CTNNA2: variants seen among roughly 807,000 people sequenced by gnomAD.
The protein encoded by CTNNA2 is catenin alpha-2.
A neutral mutation model predicts 101.0 loss-of-function variants in CTNNA2; 42 were observed. The observed-to-expected ratio is 0.42, with a 90% CI of 0.32 to 0.54. The LOEUF is 0.54. Ranked by LOEUF, CTNNA2 falls within the 20% of genes least tolerant of loss-of-function variation. The pLI is 0.14. For synonymous variants in CTNNA2, 450 were observed against 456.4 expected, an observed-to-expected ratio of 0.99 and a Z score of 0.18; for missense variants, 871 against 1,223.1, an observed-to-expected ratio of 0.71 and a Z score of 4.29.
At chr2:79,397,725 A>G (rs1035485915) in intron 4 of CTNNA2, among the ~76,000 whole-genome samples, 4 of 151,970 alleles carry the variant, frequency 2.6e-5, no homozygotes, top group Non-Finnish European at 4.4e-5. Flanking sequence ...GTGCAGTGGC[A>G]TGATCATAGC....
chr2:79,636,105 CA>C (rs771737673), intron 1 of CTNNA2, among the ~76,000 whole-genome samples: 23,985 of 131,056 alleles, frequency 0.18, 2,817 homozygotes, highest in East Asian at 0.48. Flanking sequence ...ACTAAAAATA[CA>C]AAAAAAAAAA....
chr2:80,352,342 C>G (rs1355948375), intron 7 of CTNNA2, among the ~76,000 whole-genome samples: 1 of 152,008 alleles, frequency 6.6e-6, no homozygotes, highest in Non-Finnish European at 1.5e-5. Flanking sequence ...TTTTTTATTG[C>G]CTGAGGCTAA....
chr2:80,384,349 C>G (rs924532336), intron 7 of CTNNA2, among the ~76,000 whole-genome samples: 8 of 151,034 alleles, frequency 5.3e-5, no homozygotes, highest in Non-Finnish European at 1.0e-4. Flanking sequence ...CAAAATGTGT[C>G]ACACAAAATC....
chr2:79,912,352 T>A (rs1462004809), intron 7 of CTNNA2, among the ~76,000 whole-genome samples: 1 of 152,128 alleles, frequency 6.6e-6, no homozygotes, highest in Non-Finnish European at 1.5e-5. Flanking sequence ...AGAAAAAGGG[T>A]CTTCATGGAG....
rs377150578 is a variant in CTNNA2, at chr2:80,020,992, T to C, written c.1056+111195T>C. On this transcript the variant is annotated intron_variant, in intron 7 of 18. Coordinates refer to ENST00000402739, the MANE Select transcript of CTNNA2 (RefSeq NM_001282597.3). ...TTGAAATTTTTGGAATGACCAATCA[T>C]CTTTTTTTTTTTTTTTTTTTTTTTT... is the stretch of plus-strand genomic sequence containing the variant. 4.6e-3 allele frequency among the ~76,000 whole-genome samples: 625 copies of C among 135,582 alleles called. 6 individuals carry two copies. Among genetic ancestry groups the C allele is most frequent in the African/African-American group, 0.017 (599 of 35,266 alleles). 88.9% of individuals were successfully genotyped at this position (135,582 alleles called of 152,430 possible). A position where few individuals can be genotyped will look rare whatever the true frequency, so the allele number is the denominator to read the frequency against.
Position 80,380,500 on chromosome 2 carries a change from G to A in CTNNA2, c.1057-12711G>A, listed in dbSNP as rs112917861. 9.3e-4 allele frequency among the ~76,000 whole-genome samples: 141 copies of A among 152,190 alleles called. 1 individual carries two copies. The highest frequency in any genetic ancestry group is 3.3e-3 in the African/African-American group (137 of 41,516). ...TCTCCCAAGAAGTTCTCCCAGTTTTGGCTGTTCAGCCTTTTTCACTTATAG... is the reference window on the plus strand; with the variant it reads ...TCTCCCAAGAAGTTCTCCCAGTTTTAGCTGTTCAGCCTTTTTCACTTATAG... On this transcript the variant is annotated intron_variant, in intron 7 of 18. Transcript: ENST00000402739.
chr2:79,962,489 T>C (rs1177154746), intron 7 of CTNNA2, among the ~76,000 whole-genome samples: 1 of 152,244 alleles, frequency 6.6e-6, no homozygotes, highest in African/African-American at 2.4e-5. Flanking sequence ...TCATCTTTTA[T>C]TTTTTGGAGC....
chr2:79,340,642 G>C (rs1158942238), intron 3 of CTNNA2, among the ~76,000 whole-genome samples: 1 of 151,980 alleles, frequency 6.6e-6, no homozygotes, highest in Non-Finnish European at 1.5e-5. Context: ...GACCGTCCTG[G>C]CTAACACGGT....
chr2:79,858,321 T>G (rs1681307396), intron 4 of CTNNA2, 142 bp downstream of exon 4: 2 of 465,156 alleles, frequency 4.3e-6, no homozygotes, highest in African/African-American at 3.9e-5. Context: ...CCACGTCCAA[T>G]TTTTTCTAAT....
chr2:79,557,470 T>TA (rs112449897), intron 1 of CTNNA2, among the ~76,000 whole-genome samples: 170 of 148,770 alleles, frequency 1.1e-3, no homozygotes, highest in Middle Eastern at 6.8e-3. Flanking sequence ...TTTCCTTAGT[T>TA]AAAAAAAAAA....
At chr2:80,448,313 A>G (rs1177649883) in intron 9 of CTNNA2, among the ~76,000 whole-genome samples, 1 of 152,222 alleles carries the variant, frequency 6.6e-6, no homozygotes. Flanking sequence ...ATAAGGGTGA[A>G]TTTAATATGT....
intron 7 of CTNNA2, among the ~76,000 whole-genome samples, chr2:80,361,115 A>G (rs1674363390): frequency 6.6e-6 from 1 of 152,044 alleles, no homozygotes; most frequent in Non-Finnish European, 1.5e-5. Context: ...AGAGCTGTGT[A>G]ATACCAATTT....
intron 9 of CTNNA2, among the ~76,000 whole-genome samples, chr2:80,495,666 G>A (rs945344647): frequency 3.9e-5 from 6 of 152,108 alleles, no homozygotes; most frequent in Admixed American, 1.3e-4. Context: ...GGCCAGGCAC[G>A]GTTGGCTCAC....
intron 15 of CTNNA2, among the ~76,000 whole-genome samples, chr2:80,596,690 A>C (rs1422531973): frequency 6.6e-6 from 1 of 152,026 alleles, no homozygotes; most frequent in African/African-American, 2.4e-5. Flanking sequence ...CTATTTGAAT[A>C]CACTTTATTT....
chr2:79,401,931 C>T (rs1300955776), intron 4 of CTNNA2, among the ~76,000 whole-genome samples: 1 of 151,390 alleles, frequency 6.6e-6, no homozygotes, highest in East Asian at 1.9e-4. Context: ...ACTTCAAATT[C>T]AGAGACACAA....
At chr2:80,310,916 T>C (rs1246954652) in intron 7 of CTNNA2, among the ~76,000 whole-genome samples, 2 of 147,156 alleles carry the variant, frequency 1.4e-5, no homozygotes, top group Non-Finnish European at 1.5e-5. Context: ...GATGTTGCAG[T>C]GATCTGAGAT....
chr2:79,427,057 A>G (rs1173626375), intron 4 of CTNNA2, among the ~76,000 whole-genome samples: 1 of 152,078 alleles, frequency 6.6e-6, no homozygotes, highest in South Asian at 2.1e-4. Context: ...ATTGCCTTCC[A>G]AGAAAAGCAC....
intron 7 of CTNNA2, among the ~76,000 whole-genome samples, chr2:80,160,129 C>A (rs1209982330): frequency 6.6e-6 from 1 of 152,034 alleles, no homozygotes; most frequent in Admixed American, 6.6e-5. Flanking sequence ...AAAATGTGTC[C>A]ATTTCTGGGT....
chr2:80,433,157 A>T (rs1198571304), intron 9 of CTNNA2, among the ~76,000 whole-genome samples: 1 of 152,162 alleles, frequency 6.6e-6, no homozygotes, highest in Non-Finnish European at 1.5e-5. Flanking sequence ...GACTTCAAGT[A>T]TCTCTGTTAC....
Sources: allele counts gnomAD v4.1 joint callset (sites outside exome capture counted in the v4.1 genomes callset), GRCh38; gene constraint gnomAD v4.1.1; transcripts MANE v1.5; gene names NCBI Gene and HGNC (gene_info 2026-07-23, HGNC 2026-07-21).